NTRK2: variants seen among roughly 807,000 people sequenced by gnomAD.
NTRK2 encodes BDNF/NT-3 growth factors receptor.
In NTRK2, 13 loss-of-function variants were observed where a neutral mutation model predicts 94.5. The ratio of observed to expected loss-of-function variants is 0.14; its 90% CI spans 0.09 to 0.22. NTRK2 has a LOEUF of 0.22. NTRK2 is among the 10% of genes least tolerant of loss of function. NTRK2 has a pLI of 1.00. For synonymous variants in NTRK2, 372 were observed against 407.4 expected (o/e 0.91, Z 1.05); for missense variants, 639 against 1,071.2 (o/e 0.60, Z 5.63).
chr9:84,981,811 G>T (rs1290413140), intron 17 of NTRK2, among the ~76,000 whole-genome samples: 1 of 152,182 alleles, frequency 6.6e-6, no homozygotes, highest in Non-Finnish European at 1.5e-5. Context: ...CCCTTAAAAT[G>T]ATAGTTTCTG....
chr9:84,670,489 C>T lies in NTRK2; in HGVS notation c.-260C>T, dbSNP rs200177064. ...GCGCGCCGGGCCATGCAGCGACGGCCGCCGCGGAGCTCCGAGCAGCGGTAG... is the reference window on the plus strand; with the variant it reads ...GCGCGCCGGGCCATGCAGCGACGGCTGCCGCGGAGCTCCGAGCAGCGGTAG... On this transcript the variant is annotated 5_prime_UTR_variant, in exon 2 of 19. Transcript: ENST00000277120. 11 of 528,296 alleles carry T rather than the reference C, an allele frequency of 2.1e-5. No individual in the cohort carries two copies. The highest frequency in any genetic ancestry group is 3.8e-5 in the Non-Finnish European group (11 of 292,030). 32.7% of individuals were successfully genotyped at this position (528,296 alleles called of 1,614,324 possible). A position where few individuals can be genotyped will look rare whatever the true frequency, so the allele number is the denominator to read the frequency against.
At chr9:84,910,113 C>G (rs1244796044) in intron 14 of NTRK2, among the ~76,000 whole-genome samples, 1 of 152,084 alleles carries the variant, frequency 6.6e-6, no homozygotes, top group East Asian at 1.9e-4. Flanking sequence ...AATTTTTATA[C>G]ACAATGTGAG....
At chr9:84,723,755 T>C in intron 7 of NTRK2, 46 bp downstream of exon 7, 1 of 1,612,286 alleles carries the variant, frequency 6.2e-7, no homozygotes, top group African/African-American at 1.3e-5. Context: ...ACAAGAGTGT[T>C]TCAGAATGCG....
chr9:84,962,153 T>C (rs1825017658), intron 17 of NTRK2, among the ~76,000 whole-genome samples: 1 of 152,224 alleles, frequency 6.6e-6, no homozygotes, highest in Non-Finnish European at 1.5e-5. Context: ...TGCATTCTGA[T>C]ATGTCATATG....
chr9:84,794,451 AG>A (rs1293498347), intron 12 of NTRK2, among the ~76,000 whole-genome samples: 1 of 152,204 alleles, frequency 6.6e-6, no homozygotes, highest in Non-Finnish European at 1.5e-5. Flanking sequence ...AAAAAACCCC[AG>A]TGTAATGCAA....
At chr9:84,975,579 G>A (rs1427916373) in intron 17 of NTRK2, among the ~76,000 whole-genome samples, 1 of 152,180 alleles carries the variant, frequency 6.6e-6, no homozygotes, top group East Asian at 1.9e-4. Flanking sequence ...CACTTGCAAT[G>A]ACTTGGGTGA....
chr9:84,757,778 G>T (rs2065211754), intron 12 of NTRK2, among the ~76,000 whole-genome samples: 1 of 151,916 alleles, frequency 6.6e-6, no homozygotes, highest in South Asian at 2.1e-4. Context: ...TCTTTTAATG[G>T]ACATTTATGT....
intron 17 of NTRK2, among the ~76,000 whole-genome samples, chr9:85,000,172 A>G (rs1220387460): frequency 6.6e-6 from 1 of 152,078 alleles, no homozygotes; most frequent in African/African-American, 2.4e-5. Flanking sequence ...TCACATGTAC[A>G]GCCTCCCCCA....
chr9:84,789,343 A>G (rs1002467596), intron 12 of NTRK2, among the ~76,000 whole-genome samples: 9 of 152,144 alleles, frequency 5.9e-5, no homozygotes, highest in African/African-American at 2.2e-4. Flanking sequence ...TACTGAATTA[A>G]TTGTATCTGC....
chr9:84,811,318 AAAGAAG>A, intron 12 of NTRK2: 1 of 1,066,366 alleles, frequency 9.4e-7, no homozygotes. Flanking sequence ...AAACGTTTAA[AAAGAAG>A]AAGAAGAAAA....
At position 84,851,862 on chromosome 9, in the gene NTRK2, A is replaced by G. The variant is rs11140785; in HGVS notation, c.1397-9178A>G. 4.5e-4 allele frequency among the ~76,000 whole-genome samples: 68 copies of G among 152,186 alleles called. No individual in the cohort carries two copies. The East Asian group carries it at 0.013, about 29-fold the overall frequency. On this transcript the variant is annotated intron_variant, in intron 12 of 18. Coordinates refer to ENST00000277120, the MANE Select transcript of NTRK2 (RefSeq NM_006180.6). ...TGAGCTACAACAAATGTTGGTCTAG[A>G]AGGACTAAAAAAAGAATTTGCATGT...
At chr9:84,726,280 A>T (rs2062449277) in intron 8 of NTRK2, among the ~76,000 whole-genome samples, 1 of 152,214 alleles carries the variant, frequency 6.6e-6, no homozygotes, top group African/African-American at 2.4e-5. Flanking sequence ...TGAGATCAGG[A>T]GTTCAAGACC....
At chr9:84,806,969 C>T (rs2071192564) in intron 12 of NTRK2, among the ~76,000 whole-genome samples, 1 of 152,250 alleles carries the variant, frequency 6.6e-6, no homozygotes, top group Non-Finnish European at 1.5e-5. Context: ...GCCCCATCCA[C>T]CAGATCATCT....
rs546163040 is a variant in NTRK2, at chr9:84,773,405, A to G, written c.1396+21320A>G. 1.3e-3 allele frequency among the ~76,000 whole-genome samples: 195 copies of G among 152,336 alleles called. 1 individual carries two copies. The highest frequency in any genetic ancestry group is 2.3e-3 in the Non-Finnish European group (156 of 68,024). On this transcript the variant is annotated intron_variant, in intron 12 of 18. Transcript: ENST00000277120. Reference sequence around the variant, plus strand: ...ATGGCATGGGAAGAACACAGCAGTGATGGAGGGGTGAGGGGAGTCCTTCTT... The same window carrying G: ...ATGGCATGGGAAGAACACAGCAGTGGTGGAGGGGTGAGGGGAGTCCTTCTT...
At chr9:84,848,980 T>G (rs891989071) in intron 12 of NTRK2, among the ~76,000 whole-genome samples, 2 of 152,228 alleles carry the variant, frequency 1.3e-5, no homozygotes, top group African/African-American at 4.8e-5. Flanking sequence ...TATTACATAT[T>G]GACATACACA....
At chr9:84,873,278 G>C (rs1481258571) in intron 14 of NTRK2, 1 of 1,059,792 alleles carries the variant, frequency 9.4e-7, no homozygotes, top group African/African-American at 1.6e-5. Context: ...TGCTTTGGGA[G>C]TTGTTTGTAT....
chr9:84,895,122 G>A (rs1327549979), intron 14 of NTRK2, among the ~76,000 whole-genome samples: 1 of 152,154 alleles, frequency 6.6e-6, no homozygotes, highest in Non-Finnish European at 1.5e-5. Flanking sequence ...AGCACAGGAG[G>A]CTCGTGGACT....
chr9:84,867,118 C>A, intron 13 of NTRK2, 125 bp from the exon 14 acceptor site: 1 of 857,362 alleles, frequency 1.2e-6, no homozygotes, highest in Non-Finnish European at 1.9e-6. Flanking sequence ...GATTATTGTA[C>A]TACTCTGTGA....
At chr9:84,974,763 A>G (rs1052269320) in intron 17 of NTRK2, among the ~76,000 whole-genome samples, 1 of 152,048 alleles carries the variant, frequency 6.6e-6, no homozygotes, top group African/African-American at 2.4e-5. Flanking sequence ...TCCCCTTAGA[A>G]CTTCCAAGTG....
Sources: allele counts gnomAD v4.1 joint callset (sites outside exome capture counted in the v4.1 genomes callset), GRCh38; gene constraint gnomAD v4.1.1; transcripts MANE v1.5; gene names NCBI Gene and HGNC (gene_info 2026-07-23, HGNC 2026-07-21).